The following MAN1C1 variants were observed in gnomAD, a reference collection of about 807,000 sequenced individuals.
MAN1C1 encodes mannosyl-oligosaccharide 1,2-alpha-mannosidase IC.
A neutral mutation model predicts 71.5 loss-of-function variants in MAN1C1; 49 were observed. That is an observed-to-expected ratio of 0.69 (90% CI 0.54 to 0.87). The LOEUF is 0.87. Among genes scored for constraint, MAN1C1 ranks in the 40% least tolerant of loss-of-function variants. The probability of loss-of-function intolerance (pLI) is 0.00; values close to 1 mark genes in which losing one functional copy is unlikely to be tolerated. For missense variants in MAN1C1, 743 were observed against 835.0 expected (o/e 0.89, Z 1.36); for synonymous variants, 352 against 343.7 (o/e 1.02, Z -0.27).
At chr1:25,674,188 T>C (rs1429464947) in intron 1 of MAN1C1, among the ~76,000 whole-genome samples, 1 of 152,214 alleles carries the variant, frequency 6.6e-6, no homozygotes, top group Admixed American at 6.5e-5. Context: ...CTTGCTGTTG[T>C]GGCCTCACAA....
intron 1 of MAN1C1, among the ~76,000 whole-genome samples, chr1:25,678,826 G>T (rs1193846755): frequency 6.6e-6 from 1 of 152,138 alleles, no homozygotes; most frequent in Non-Finnish European, 1.5e-5. Context: ...AGAAACAAAG[G>T]TACAATATGA....
intron 10 of MAN1C1, 163 bp downstream of exon 10, chr1:25,781,275 A>G: frequency 2.7e-6 from 2 of 738,254 alleles, no homozygotes; most frequent in Non-Finnish European, 4.4e-6. Flanking sequence ...TTACAGAGCC[A>G]AGAGTCCCCA....
At chr1:25,649,923 C>G (rs1383931197) in intron 1 of MAN1C1, among the ~76,000 whole-genome samples, 2 of 152,204 alleles carry the variant, frequency 1.3e-5, no homozygotes, top group Non-Finnish European at 2.9e-5. Flanking sequence ...CAGGAGTGAG[C>G]CACCGTGCCC....
chr1:25,687,760 T>G (rs906105720), intron 2 of MAN1C1, among the ~76,000 whole-genome samples: 2 of 152,106 alleles, frequency 1.3e-5, no homozygotes, highest in African/African-American at 4.8e-5. Context: ...TGGGGCAGCT[T>G]TATGTATTTA....
At chr1:25,650,006 G>A (rs888038816) in intron 1 of MAN1C1, among the ~76,000 whole-genome samples, 1 of 152,122 alleles carries the variant, frequency 6.6e-6, no homozygotes, top group African/African-American at 2.4e-5. Flanking sequence ...ACTGGCTCCC[G>A]AGAAGACCTT....
chr1:25,677,432 G>A (rs576142126), intron 1 of MAN1C1, among the ~76,000 whole-genome samples: 12 of 145,064 alleles, frequency 8.3e-5, no homozygotes, highest in East Asian at 2.0e-4. Context: ...ACACACACAC[G>A]TACACACACA....
intron 2 of MAN1C1, among the ~76,000 whole-genome samples, chr1:25,697,656 A>G (rs1050310567): frequency 6.6e-6 from 1 of 152,186 alleles, no homozygotes; most frequent in African/African-American, 2.4e-5. Context: ...GCACCATTTT[A>G]AATTCCCACC....
chr1:25,632,242 A>G (rs2045391965), intron 1 of MAN1C1, among the ~76,000 whole-genome samples: 2 of 152,072 alleles, frequency 1.3e-5, no homozygotes, highest in Non-Finnish European at 2.9e-5. Context: ...GGAGGGTTGT[A>G]TGTTTCCAGG....
intron 1 of MAN1C1, among the ~76,000 whole-genome samples, chr1:25,647,334 G>C (rs1416726820): frequency 6.6e-6 from 1 of 152,206 alleles, no homozygotes; most frequent in Non-Finnish European, 1.5e-5. Flanking sequence ...GGCTGTTCCA[G>C]GTGGTGCCTG....
chr1:25,744,293 C>T (rs1000612471), intron 2 of MAN1C1, among the ~76,000 whole-genome samples: 2 of 152,198 alleles, frequency 1.3e-5, no homozygotes, highest in Non-Finnish European at 2.9e-5. Flanking sequence ...AGCCCTGCCA[C>T]CTACAGGGGA....
At chr1:25,656,070 T>C (rs1018647664) in intron 1 of MAN1C1, among the ~76,000 whole-genome samples, 9 of 147,240 alleles carry the variant, frequency 6.1e-5, no homozygotes, top group African/African-American at 2.0e-4. Flanking sequence ...AAAGCTGATG[T>C]ATGTCTTAGG....
At position 25,779,082 on chromosome 1, in the gene MAN1C1, C is replaced by T. The variant is rs1469223150; in HGVS notation, c.1477+758C>T. ...TGCACCCCTCAGAAAAATCCCCAGCCCCCGTGTGGTCCCAGGAGACGCCCA... is the reference window on the plus strand; with the variant it reads ...TGCACCCCTCAGAAAAATCCCCAGCTCCCGTGTGGTCCCAGGAGACGCCCA... On this transcript the variant is annotated intron_variant, in intron 9 of 11. Coordinates refer to ENST00000374332, the MANE Select transcript of MAN1C1 (RefSeq NM_020379.4). This position sits in a 1 kb window ranked among gnomAD's most constrained non-coding sequence, Gnocchi z 4.6. Among the ~76,000 whole-genome samples, 2 of 152,156 alleles carry T rather than the reference C, an allele frequency of 1.3e-5. No homozygotes were observed. Among genetic ancestry groups the T allele is most frequent in the Admixed American group, 1.3e-4 (2 of 15,284 alleles).
chr1:25,734,463 A>C (rs903017443), intron 2 of MAN1C1, among the ~76,000 whole-genome samples: 1 of 152,262 alleles, frequency 6.6e-6, no homozygotes, highest in South Asian at 2.1e-4. Flanking sequence ...GATGTGAAAC[A>C]AACAGCACAG....
At chr1:25,727,771 G>A (rs1481463754) in intron 2 of MAN1C1, among the ~76,000 whole-genome samples, 1 of 152,238 alleles carries the variant, frequency 6.6e-6, no homozygotes, top group Non-Finnish European at 1.5e-5. Context: ...CACCCTCACG[G>A]GAATCCATCC....
intron 1 of MAN1C1, among the ~76,000 whole-genome samples, chr1:25,639,055 C>T (rs892305817): frequency 1.3e-5 from 2 of 152,102 alleles, no homozygotes; most frequent in African/African-American, 4.8e-5. Context: ...GTCTTCCTTT[C>T]TCTCTGTACT....
At chr1:25,664,294 A>T (rs2045891032) in intron 1 of MAN1C1, among the ~76,000 whole-genome samples, 1 of 151,568 alleles carries the variant, frequency 6.6e-6, no homozygotes, top group Non-Finnish European at 1.5e-5. Context: ...CCTATTTTTC[A>T]TATGAGGCAT....
At chr1:25,761,870 G>A (rs991707805) in intron 6 of MAN1C1, among the ~76,000 whole-genome samples, 2 of 151,762 alleles carry the variant, frequency 1.3e-5, no homozygotes, top group African/African-American at 2.4e-5. Context: ...TGATCTGCCC[G>A]CCTCGGCCTC....
At chr1:25,685,560 G>A (rs536843751) in intron 1 of MAN1C1, among the ~76,000 whole-genome samples, 1 of 152,360 alleles carries the variant, frequency 6.6e-6, no homozygotes, top group Non-Finnish European at 1.5e-5. Context: ...CAGCCTGAAG[G>A]TCCTGGGGCA....
intron 1 of MAN1C1, among the ~76,000 whole-genome samples, chr1:25,618,864 C>T (rs2045159682): frequency 6.6e-6 from 1 of 152,128 alleles, no homozygotes. Context: ...AGTAAGCAAC[C>T]TACAAACCAG....
Sources: gnomAD v4.1 joint callset for allele counts (sites outside exome capture counted in the v4.1 genomes callset) on GRCh38, gnomAD v4.1.1 for gene constraint, Gnocchi (gnomAD v3.1) non-coding constraint, MANE v1.5 for transcripts, NCBI Gene and HGNC (gene_info 2026-07-23, HGNC 2026-07-21) for gene names.